Variants in DOCK3 observed in about 807,000 individuals in gnomAD.
DOCK3 encodes the protein dedicator of cytokinesis 3.
A neutral mutation model predicts 265.6 loss-of-function variants in DOCK3; 60 were observed. The ratio of observed to expected loss-of-function variants is 0.23; its 90% CI spans 0.18 to 0.28. The LOEUF is 0.28. DOCK3 is among the 10% of genes least tolerant of loss of function. The pLI, the probability that DOCK3 is intolerant of heterozygous loss-of-function variation, is 1.00. For synonymous variants in DOCK3, 881 were observed against 938.0 expected, an observed-to-expected ratio of 0.94 and a Z score of 1.11; for missense variants, 1,981 against 2,594.3, an observed-to-expected ratio of 0.76 and a Z score of 5.14.
chr3:50,787,274 G>A lies in DOCK3; in HGVS notation c.121+8516G>A, dbSNP rs28650958. 1.2e-3 allele frequency: 547 copies of A among 473,074 alleles called. 1 individual carries two copies. Among genetic ancestry groups the A allele is most frequent in the African/African-American group, 1.0e-2 (502 of 50,382 alleles). 29.3% of individuals were successfully genotyped at this position (473,074 alleles called of 1,614,324 possible). ...GAGCATTAAATACCCTGGGGCACACGCCTGTAATCCCAGCACTTTGGGAGG... is the reference window on the plus strand; with the variant it reads ...GAGCATTAAATACCCTGGGGCACACACCTGTAATCCCAGCACTTTGGGAGG... On this transcript the variant is annotated intron_variant, in intron 2 of 52. Coordinates refer to ENST00000266037, the MANE Select transcript of DOCK3 (RefSeq NM_004947.5).
intron 1 of DOCK3, among the ~76,000 whole-genome samples, chr3:50,738,127 C>T (rs946711745): frequency 9.2e-5 from 14 of 152,072 alleles, no homozygotes; most frequent in African/African-American, 4.8e-5. Flanking sequence ...ATGATATAGT[C>T]GTTGGGTGGG....
intron 10 of DOCK3, among the ~76,000 whole-genome samples, chr3:51,147,505 A>G (rs924576187): frequency 6.6e-6 from 1 of 152,098 alleles, no homozygotes; most frequent in African/African-American, 2.4e-5. Context: ...CCCACACCAC[A>G]ACAGGCCCCC....
chr3:51,097,545 A>G (rs543566902), intron 9 of DOCK3, among the ~76,000 whole-genome samples: 2 of 152,272 alleles, frequency 1.3e-5, no homozygotes, highest in African/African-American at 2.4e-5. Context: ...CCAGGGCTCC[A>G]TGGGGGTGGG....
intron 10 of DOCK3, among the ~76,000 whole-genome samples, chr3:51,155,953 C>A (rs1023218139): frequency 6.6e-6 from 1 of 151,988 alleles, no homozygotes; most frequent in Admixed American, 6.6e-5. Flanking sequence ...TTTAAGTGAC[C>A]AACTCAGAGA....
At chr3:51,317,776 T>C (rs2083456237) in intron 32 of DOCK3, among the ~76,000 whole-genome samples, 1 of 152,000 alleles carries the variant, frequency 6.6e-6, no homozygotes, top group Admixed American at 6.5e-5. Context: ...TAAATAGATA[T>C]AATTATTGTC....
intron 27 of DOCK3, among the ~76,000 whole-genome samples, chr3:51,297,110 T>C: frequency 9.7e-6 from 1 of 103,626 alleles, no homozygotes; most frequent in Non-Finnish European, 1.9e-5. Context: ...AGAGTGAGAC[T>C]CTGTCTCAAA....
chr3:51,199,866 C>T (rs578046113), intron 12 of DOCK3, among the ~76,000 whole-genome samples: 3 of 152,128 alleles, frequency 2.0e-5, no homozygotes, highest in Non-Finnish European at 2.9e-5. Flanking sequence ...CAGCAGCATT[C>T]GCGGTTCACG....
chr3:51,141,929 G>A (rs1192277302), intron 9 of DOCK3, among the ~76,000 whole-genome samples: 1 of 148,830 alleles, frequency 6.7e-6, no homozygotes, highest in African/African-American at 2.5e-5. Flanking sequence ...TCTCTTAAAT[G>A]GTCTTGAGAA....
chr3:51,341,133 G>C (rs2085210505), intron 37 of DOCK3, 104 bp from the exon 38 acceptor site: 1 of 1,390,714 alleles, frequency 7.2e-7, no homozygotes, highest in Non-Finnish European at 9.6e-7. Flanking sequence ...GGCTGCACAT[G>C]ACTTGCGCTG....
chr3:50,886,626 T>G (rs2107699070), intron 3 of DOCK3, among the ~76,000 whole-genome samples: 2 of 147,682 alleles, frequency 1.4e-5, no homozygotes, highest in Middle Eastern at 7.0e-3. Flanking sequence ...TTCTCATTGT[T>G]CAATTCCCAT....
chr3:50,885,842 A>G (rs1379513899), intron 3 of DOCK3, among the ~76,000 whole-genome samples: 1 of 151,572 alleles, frequency 6.6e-6, no homozygotes, highest in Non-Finnish European at 1.5e-5. Flanking sequence ...TCTCCAATTG[A>G]CCTTACTCGT....
At chr3:50,849,255 G>A (rs1464941123) in intron 3 of DOCK3, among the ~76,000 whole-genome samples, 2 of 151,404 alleles carry the variant, frequency 1.3e-5, no homozygotes, top group Admixed American at 6.6e-5. Flanking sequence ...AGCTGGTTTC[G>A]AATTCCTGGG....
chr3:51,305,081 A>T (rs1359797236), intron 27 of DOCK3, among the ~76,000 whole-genome samples: 1 of 152,160 alleles, frequency 6.6e-6, no homozygotes, highest in Non-Finnish European at 1.5e-5. Flanking sequence ...TTAGAGCTAG[A>T]TAGTTTATAA....
At chr3:51,016,020 A>G (rs1156771181) in intron 5 of DOCK3, among the ~76,000 whole-genome samples, 1 of 2,024 alleles carries the variant, frequency 4.9e-4, no homozygotes, top group Non-Finnish European at 7.2e-4. Flanking sequence ...ATTTCTACAT[A>G]ATATATATCA....
intron 1 of DOCK3, among the ~76,000 whole-genome samples, chr3:50,684,074 G>A (rs1298070118): frequency 2.0e-5 from 3 of 151,940 alleles, no homozygotes; most frequent in Non-Finnish European, 4.4e-5. Flanking sequence ...TATATCATTG[G>A]AATCCCATGA....
intron 24 of DOCK3, 111 bp from the exon 25 acceptor site, chr3:51,274,968 A>G: frequency 1.5e-6 from 2 of 1,359,476 alleles, no homozygotes; most frequent in Non-Finnish European, 2.1e-6. Flanking sequence ...CTTTTGCTCT[A>G]GTCTGAACCC....
rs1450693410 is a variant in DOCK3, at chr3:51,003,346, G to GT, written c.316-61101dup. ...AGCAGAGAGCCATACAGCAAAGCAG[G>GT]TAAGGAGGTAAGGTCAATTTACAAG... On this transcript the variant is annotated intron_variant, in intron 5 of 52. Transcript: ENST00000266037. 3.9e-5 allele frequency among the ~76,000 whole-genome samples: 6 copies of GT among 152,204 alleles called. No individual in the cohort carries two copies. The South Asian group carries it at 1.2e-3, about 32-fold the overall frequency.
chr3:51,021,997 A>G (rs1027445145), intron 5 of DOCK3, among the ~76,000 whole-genome samples: 1 of 152,184 alleles, frequency 6.6e-6, no homozygotes, highest in Non-Finnish European at 1.5e-5. Context: ...AAATTATTTA[A>G]TCAGTGAATG....
chr3:50,745,995 A>G (rs1410718455), intron 1 of DOCK3, among the ~76,000 whole-genome samples: 1 of 152,110 alleles, frequency 6.6e-6, no homozygotes, highest in Non-Finnish European at 1.5e-5. Flanking sequence ...TCTAGACACA[A>G]GTCCTTTATC....
Sources: gnomAD v4.1 joint callset for allele counts (sites outside exome capture counted in the v4.1 genomes callset) on GRCh38, gnomAD v4.1.1 for gene constraint, MANE v1.5 for transcripts, NCBI Gene and HGNC (gene_info 2026-07-23, HGNC 2026-07-21) for gene names.